APPBP2: variants seen among roughly 807,000 people sequenced by gnomAD.
APPBP2 encodes amyloid protein-binding protein 2.
In APPBP2, 15 loss-of-function variants were observed where a neutral mutation model predicts 76.0. The observed-to-expected ratio is 0.20, with a 90% CI of 0.13 to 0.30. The LOEUF is 0.30. APPBP2 is among the 10% of genes least tolerant of loss of function. The probability of loss-of-function intolerance (pLI) is 1.00; values close to 1 mark genes in which losing one functional copy is unlikely to be tolerated. For synonymous variants in APPBP2, 222 were observed against 242.2 expected (o/e 0.92, Z 0.77); for missense variants, 401 against 687.2 (o/e 0.58, Z 4.66).
At chr17:60,519,501 AT>A (rs112385495) in intron 1 of APPBP2, among the ~76,000 whole-genome samples, 41 of 149,732 alleles carry the variant, frequency 2.7e-4, no homozygotes, top group African/African-American at 6.9e-4. Context: ...AAAGGAGAAA[AT>A]TTTTTTTTTA....
chr17:60,493,151 T>C (rs985922441), intron 3 of APPBP2, among the ~76,000 whole-genome samples: 3 of 152,170 alleles, frequency 2.0e-5, no homozygotes, highest in African/African-American at 7.2e-5. Context: ...TCCGCCATGA[T>C]TGTGAAGCCT....
intron 1 of APPBP2, among the ~76,000 whole-genome samples, chr17:60,522,873 TAA>T (rs1233255668): frequency 4.0e-5 from 6 of 149,186 alleles, no homozygotes; most frequent in African/African-American, 1.5e-4. Context: ...TTTTTTTTTT[TAA>T]AAAAAAGAAA....
intron 12 of APPBP2, among the ~76,000 whole-genome samples, chr17:60,448,544 C>A (rs1291167707): frequency 6.6e-6 from 1 of 152,152 alleles, no homozygotes; most frequent in African/African-American, 2.4e-5. Context: ...TACAAATTAA[C>A]AGAAACAAAC....
chr17:60,497,695 GTATT>G (rs757910279), intron 2 of APPBP2, among the ~76,000 whole-genome samples: 3 of 152,106 alleles, frequency 2.0e-5, no homozygotes, highest in Admixed American at 6.6e-5. Context: ...CACTCAGCAA[GTATT>G]TATTTAATTT....
At chr17:60,508,522 T>C (rs1202115250) in intron 1 of APPBP2, among the ~76,000 whole-genome samples, 1 of 152,134 alleles carries the variant, frequency 6.6e-6, no homozygotes, top group African/African-American at 2.4e-5. Context: ...ACAGAGTAGT[T>C]TATACCTCTG....
At chr17:60,520,828 T>C (rs1290404230) in intron 1 of APPBP2, among the ~76,000 whole-genome samples, 4 of 152,226 alleles carry the variant, frequency 2.6e-5, no homozygotes, top group Middle Eastern at 6.8e-3. Flanking sequence ...TCCCGAACTG[T>C]TGGGATTACA....
chr17:60,511,540 G>C (rs553004716), intron 1 of APPBP2, among the ~76,000 whole-genome samples: 6 of 149,286 alleles, frequency 4.0e-5, no homozygotes, highest in Admixed American at 2.0e-4. Context: ...AGCCGAGATC[G>C]CATCACTGTA....
At chr17:60,456,169 TA>T in intron 10 of APPBP2, 126 bp downstream of exon 10, 1 of 653,040 alleles carries the variant, frequency 1.5e-6, no homozygotes, top group South Asian at 1.9e-5. Context: ...GGCTATCTAG[TA>T]ATACATAGAC....
intron 1 of APPBP2, among the ~76,000 whole-genome samples, chr17:60,516,588 C>T (rs775747348): frequency 3.5e-4 from 54 of 152,272 alleles, no homozygotes; most frequent in African/African-American, 1.1e-3. Flanking sequence ...TATTCTACTA[C>T]GTGACTATCC....
intron 12 of APPBP2, among the ~76,000 whole-genome samples, chr17:60,451,431 T>C (rs2090394166): frequency 6.6e-6 from 1 of 152,120 alleles, no homozygotes; most frequent in Admixed American, 6.5e-5. Context: ...ACTTATCCCA[T>C]TTAAATCTAT....
chr17:60,491,245 C>T (rs2143421447), intron 3 of APPBP2, among the ~76,000 whole-genome samples: 1 of 152,208 alleles, frequency 6.6e-6, no homozygotes, highest in Non-Finnish European at 1.5e-5. Context: ...GTAAAGGTGA[C>T]TCTTGCTATA....
chr17:60,514,209 A>AC (rs2090944393), intron 1 of APPBP2, among the ~76,000 whole-genome samples: 1 of 152,152 alleles, frequency 6.6e-6, no homozygotes, highest in Non-Finnish European at 1.5e-5. Context: ...AGGCAGGATC[A>AC]CTTGAGCCTA....
chr17:60,495,439 A>ATTTATTAT (rs910525112), intron 2 of APPBP2, among the ~76,000 whole-genome samples: 29 of 136,588 alleles, frequency 2.1e-4, no homozygotes, highest in African/African-American at 7.1e-4. Context: ...TTATTTATTT[A>ATTTATTAT]TTATTTATTT....
intron 1 of APPBP2, among the ~76,000 whole-genome samples, chr17:60,505,418 C>T (rs1469978901): frequency 1.3e-5 from 2 of 152,242 alleles, no homozygotes; most frequent in Admixed American, 6.5e-5. Context: ...CGCGTTCACG[C>T]CATTCTCCTG....
intron 10 of APPBP2, among the ~76,000 whole-genome samples, chr17:60,455,793 C>CTTTTTTCTTTTTTTTTTTTTTT (rs375591405): frequency 2.0e-5 from 3 of 151,160 alleles, no homozygotes; most frequent in African/African-American, 7.4e-5. Flanking sequence ...ATTTTTTTTT[C>CTTTTTTCTTTTTTTTTTTTTTT]TTGAGACAGA....
At chr17:60,499,778 T>C (rs1292960334) in intron 2 of APPBP2, among the ~76,000 whole-genome samples, 1 of 152,106 alleles carries the variant, frequency 6.6e-6, no homozygotes, top group Non-Finnish European at 1.5e-5. Context: ...TAGATAAACC[T>C]TAAAAACATT....
At position 60,450,274 on chromosome 17, in the gene APPBP2, T is replaced by C. The variant is rs2090383259; in HGVS notation, c.1504+1606A>G. Among the ~76,000 whole-genome samples the C allele has an allele frequency of 3.3e-5, 5 of 151,454 alleles. No individual in the cohort carries two copies. The South Asian group carries it at 1.0e-3, about 32-fold the overall frequency. Reference sequence around the variant, plus strand: ...CAACATGCTGAAACACCGTCTCTACTAAAAATACAAAAAATTAGCTGGGCA... The same window carrying C: ...CAACATGCTGAAACACCGTCTCTACCAAAAATACAAAAAATTAGCTGGGCA... On this transcript the variant is annotated intron_variant, in intron 12 of 12. Transcript: ENST00000083182.
At chr17:60,464,171 C>G in intron 5 of APPBP2, 61 bp from the exon 6 acceptor site, 1 of 1,355,882 alleles carries the variant, frequency 7.4e-7, no homozygotes. Context: ...CAATATTTAA[C>G]AAGATGACTG....
intron 3 of APPBP2, among the ~76,000 whole-genome samples, chr17:60,480,431 A>G (rs894831912): frequency 2.0e-5 from 3 of 152,232 alleles, no homozygotes; most frequent in Admixed American, 1.3e-4. Flanking sequence ...AAGTAATGGT[A>G]TATTACAATA....
Sources: gnomAD v4.1 joint callset for allele counts (sites outside exome capture counted in the v4.1 genomes callset) on GRCh38, gnomAD v4.1.1 for gene constraint, MANE v1.5 for transcripts, NCBI Gene and HGNC (gene_info 2026-07-23, HGNC 2026-07-21) for gene names.